MACROD2: variants seen among roughly 807,000 people sequenced by gnomAD.
MACROD2 encodes ADP-ribose glycohydrolase MACROD2.
In MACROD2, 36 loss-of-function variants were observed where a neutral mutation model predicts 70.4. The ratio of observed to expected loss-of-function variants is 0.51; its 90% CI spans 0.39 to 0.68. The LOEUF (loss-of-function observed/expected upper bound fraction) is 0.68, where lower values mean the gene tolerates loss of function less well. Ranked by LOEUF, MACROD2 falls within the 30% of genes least tolerant of loss-of-function variation. The pLI, the probability that MACROD2 is intolerant of heterozygous loss-of-function variation, is 0.00. For synonymous variants in MACROD2, 172 were observed against 178.8 expected, an observed-to-expected ratio of 0.96 and a Z score of 0.30; for missense variants, 496 against 538.4, an observed-to-expected ratio of 0.92 and a Z score of 0.78.
chr20:15,344,760 T>A (rs1337773025), intron 6 of MACROD2, among the ~76,000 whole-genome samples: 1 of 152,182 alleles, frequency 6.6e-6, no homozygotes, highest in Admixed American at 6.5e-5. Context: ...GTAGAATTAG[T>A]GACTAGAAGA....
intron 6 of MACROD2, among the ~76,000 whole-genome samples, chr20:15,424,093 C>A (rs6110600): frequency 6.6e-6 from 1 of 152,102 alleles, no homozygotes; most frequent in African/African-American, 2.4e-5. Flanking sequence ...CCCTCATGAC[C>A]TAATCACCTC....
chr20:14,969,053 CAA>C (rs2074665521), intron 5 of MACROD2, among the ~76,000 whole-genome samples: 1 of 151,762 alleles, frequency 6.6e-6, no homozygotes, highest in Non-Finnish European at 1.5e-5. Context: ...GCAAGTATGT[CAA>C]AAGAGGGGAA....
At chr20:15,021,895 A>G (rs914561938) in intron 5 of MACROD2, among the ~76,000 whole-genome samples, 3 of 152,172 alleles carry the variant, frequency 2.0e-5, no homozygotes, top group Admixed American at 6.5e-5. Flanking sequence ...TACCACACCA[A>G]TGCAAGATGC....
chr20:15,218,406 C>T (rs781249726), intron 5 of MACROD2, among the ~76,000 whole-genome samples: 3 of 152,192 alleles, frequency 2.0e-5, no homozygotes, highest in African/African-American at 4.8e-5. Flanking sequence ...GCTTTCATGT[C>T]AGCTGATCTC....
intron 6 of MACROD2, among the ~76,000 whole-genome samples, chr20:15,346,037 T>C (rs1303866514): frequency 1.3e-5 from 2 of 152,160 alleles, no homozygotes; most frequent in African/African-American, 4.8e-5. Context: ...TAATGGGATT[T>C]CAGCTGTTTG....
At chr20:14,663,872 C>T (rs901203047) in intron 4 of MACROD2, among the ~76,000 whole-genome samples, 1 of 151,980 alleles carries the variant, frequency 6.6e-6, no homozygotes, top group Non-Finnish European at 1.5e-5. Flanking sequence ...TTAATTTTGG[C>T]TTTGAATAAA....
chr20:15,532,786 A>G (rs553702060), intron 8 of MACROD2, among the ~76,000 whole-genome samples: 1 of 151,996 alleles, frequency 6.6e-6, no homozygotes, highest in African/African-American at 2.4e-5. Flanking sequence ...CTTACCCCCC[A>G]TCCTGGTGTT....
At chr20:16,007,622 T>G (rs1252850627) in intron 15 of MACROD2, among the ~76,000 whole-genome samples, 2 of 152,246 alleles carry the variant, frequency 1.3e-5, no homozygotes, top group East Asian at 3.8e-4. Context: ...TTAAAAATTT[T>G]TTCAAAACAG....
At chr20:15,868,354 A>G (rs1444390539) in intron 9 of MACROD2, among the ~76,000 whole-genome samples, 1 of 152,050 alleles carries the variant, frequency 6.6e-6, no homozygotes, top group Non-Finnish European at 1.5e-5. Context: ...TGTTAACCAC[A>G]TACACCTGCC....
intron 5 of MACROD2, among the ~76,000 whole-genome samples, chr20:15,079,363 C>T (rs2075685173): frequency 6.6e-6 from 1 of 152,060 alleles, no homozygotes; most frequent in Non-Finnish European, 1.5e-5. Flanking sequence ...CTCTCCTTCA[C>T]TTCTCTTCTG....
intron 6 of MACROD2, among the ~76,000 whole-genome samples, chr20:15,243,216 G>A (rs76441484): frequency 0.029 from 4,468 of 152,280 alleles, 215 homozygotes; most frequent in African/African-American, 0.1. Context: ...GTCCTGCACA[G>A]AGTCTGGGTG....
intron 8 of MACROD2, among the ~76,000 whole-genome samples, chr20:15,553,882 G>C (rs2146592768): frequency 6.6e-6 from 1 of 152,328 alleles, no homozygotes. Flanking sequence ...GTTGAATACT[G>C]TTTAGGCCTG....
Position 15,025,127 on chromosome 20 carries a change from A to AT in MACROD2, c.419-204807dup, listed in dbSNP as rs1028174857. Among the ~76,000 whole-genome samples, 3 of 152,122 alleles carry AT rather than the reference A, an allele frequency of 2.0e-5. No individual in the cohort carries two copies. In the East Asian group the frequency reaches 5.8e-4, roughly 29 times the overall value. ...AGAAAAATATAACTACATGAAGACT[A>AT]TTTTTTCACAGTGGGGGTATTATTT... is the stretch of plus-strand genomic sequence containing the variant. On this transcript the variant is annotated intron_variant, in intron 5 of 17. Transcript: ENST00000684519.
chr20:14,486,648 A>G (rs1364801542), intron 3 of MACROD2, among the ~76,000 whole-genome samples: 1 of 151,078 alleles, frequency 6.6e-6, no homozygotes, highest in Non-Finnish European at 1.5e-5. Flanking sequence ...CCTCCTGAGT[A>G]GCTGGGATTA....
At chr20:14,773,030 A>G (rs867234031) in intron 5 of MACROD2, among the ~76,000 whole-genome samples, 1 of 152,036 alleles carries the variant, frequency 6.6e-6, no homozygotes, top group Non-Finnish European at 1.5e-5. Flanking sequence ...AGCTTCAGCC[A>G]TCACACCCAC....
chr20:14,469,983 T>G (rs1032527465), intron 3 of MACROD2, among the ~76,000 whole-genome samples: 3 of 152,106 alleles, frequency 2.0e-5, no homozygotes, highest in Non-Finnish European at 4.4e-5. Flanking sequence ...GGTGAGGAGT[T>G]GTAATCCTTT....
At chr20:15,511,603 C>T (rs1350877373) in intron 8 of MACROD2, among the ~76,000 whole-genome samples, 3 of 152,194 alleles carry the variant, frequency 2.0e-5, no homozygotes, top group Non-Finnish European at 2.9e-5. Flanking sequence ...ACTTTATGTG[C>T]TGACCTTAGA....
chr20:14,748,205 T>C (rs910996513), intron 5 of MACROD2, among the ~76,000 whole-genome samples: 9 of 152,126 alleles, frequency 5.9e-5, no homozygotes, highest in Non-Finnish European at 1.3e-4. Context: ...CACGAAAACC[T>C]TTCCTGAACA....
At chr20:15,964,312 T>C (rs1460512700) in intron 12 of MACROD2, among the ~76,000 whole-genome samples, 1 of 152,154 alleles carries the variant, frequency 6.6e-6, no homozygotes, top group Non-Finnish European at 1.5e-5. Flanking sequence ...TTCTGGGGGC[T>C]GGGAAATCAA....
Sources: allele counts gnomAD v4.1 joint callset (sites outside exome capture counted in the v4.1 genomes callset), GRCh38; gene constraint gnomAD v4.1.1; transcripts MANE v1.5; gene names NCBI Gene and HGNC (gene_info 2026-07-23, HGNC 2026-07-21).